The following ITSN1 variants were observed in gnomAD, a reference collection of about 807,000 sequenced individuals.
ITSN1 encodes intersectin-1.
ITSN1 carries 58 observed loss-of-function variants against 239.8 expected under a neutral mutation model. That is an observed-to-expected ratio of 0.24 (90% CI 0.20 to 0.30). The LOEUF (loss-of-function observed/expected upper bound fraction) is 0.30. Ranked by LOEUF, ITSN1 falls within the 10% of genes least tolerant of loss-of-function variation. ITSN1 has a pLI of 1.00. For missense variants in ITSN1, 1,558 were observed against 2,103.3 expected (o/e 0.74, Z 5.07); for synonymous variants, 780 against 770.8 (o/e 1.01, Z -0.20).
chr21:33,848,357 C>T (rs1451500021), intron 29 of ITSN1, among the ~76,000 whole-genome samples: 1 of 152,216 alleles, frequency 6.6e-6, no homozygotes, highest in African/African-American at 2.4e-5. Flanking sequence ...GGAGAGAGGC[C>T]TCAGGAGGAA....
chr21:33,651,282 G>C (rs941662287), intron 1 of ITSN1, among the ~76,000 whole-genome samples: 1 of 152,200 alleles, frequency 6.6e-6, no homozygotes, highest in Non-Finnish European at 1.5e-5. Flanking sequence ...GTTTTAAGCA[G>C]GGGAGTCCCA....
At chr21:33,732,519 T>C (rs1345586068) in intron 4 of ITSN1, among the ~76,000 whole-genome samples, 1 of 152,180 alleles carries the variant, frequency 6.6e-6, no homozygotes, top group African/African-American at 2.4e-5. Context: ...AACTATTAGC[T>C]CTAGTAAATC....
intron 1 of ITSN1, among the ~76,000 whole-genome samples, chr21:33,708,851 T>C (rs769546362): frequency 6.6e-6 from 1 of 152,224 alleles, no homozygotes; most frequent in Non-Finnish European, 1.5e-5. Context: ...TTATGTAAAG[T>C]GTCAGTGTTG....
chr21:33,715,598 G>A (rs996973568), intron 1 of ITSN1, among the ~76,000 whole-genome samples: 16 of 152,202 alleles, frequency 1.1e-4, no homozygotes, highest in African/African-American at 3.9e-4. Flanking sequence ...TATATTGAAT[G>A]AGAAATTGTC....
Position 33,888,314 on chromosome 21 carries a change from G to T in ITSN1, c.*14G>T. The T allele has an allele frequency of 1.2e-6, 2 of 1,606,852 alleles. No individual in the cohort carries two copies. The highest frequency in any genetic ancestry group is 1.7e-6 in the Non-Finnish European group (2 of 1,176,176). On this transcript the variant is annotated 3_prime_UTR_variant, in exon 40 of 40. Coordinates refer to ENST00000381318, the MANE Select transcript of ITSN1 (RefSeq NM_003024.3). ...GATGAGCCGTAGGCAGCGGGCTCAG[G>T]GTGTGCTCAGCAGGGTCCCAGCCCA...
chr21:33,657,056 A>C lies in ITSN1; in HGVS notation c.-33+14343A>C, dbSNP rs554219751. ...TTTTTATTTTAATTTTTAGATTCAG[A>C]GGGTACATGCACAGGTTTGCTATGT... is the stretch of plus-strand genomic sequence containing the variant. On this transcript the variant is annotated intron_variant, in intron 1 of 39. Transcript: ENST00000381318. Among the ~76,000 whole-genome samples the C allele has an allele frequency of 3.9e-5, 6 of 152,148 alleles. No homozygotes were observed. In the East Asian group the frequency reaches 1.2e-3, roughly 29 times the overall value.
intron 5 of ITSN1, chr21:33,735,563 C>T (rs2066447032): frequency 3.8e-6 from 1 of 264,016 alleles, no homozygotes; most frequent in South Asian, 4.4e-5. Context: ...ATGTCTGTTT[C>T]TCCTTGTGCA....
intron 1 of ITSN1, among the ~76,000 whole-genome samples, chr21:33,666,141 G>A (rs1433993833): frequency 6.6e-6 from 1 of 152,140 alleles, no homozygotes; most frequent in Non-Finnish European, 1.5e-5. Context: ...ATGTTGGTCA[G>A]GCTGGTTTTG....
chr21:33,811,586 A>G (rs919855396), intron 21 of ITSN1, among the ~76,000 whole-genome samples: 1 of 152,250 alleles, frequency 6.6e-6, no homozygotes, highest in African/African-American at 2.4e-5. Context: ...GCATGCAAAT[A>G]GCACTTTTTT....
chr21:33,717,451 C>T (rs2065219028), intron 1 of ITSN1, among the ~76,000 whole-genome samples: 1 of 152,094 alleles, frequency 6.6e-6, no homozygotes, highest in African/African-American at 2.4e-5. Flanking sequence ...CCCGACTCAG[C>T]CTCTCAAAGT....
At chr21:33,654,798 G>A (rs1365071940) in intron 1 of ITSN1, among the ~76,000 whole-genome samples, 1 of 152,200 alleles carries the variant, frequency 6.6e-6, no homozygotes, top group Non-Finnish European at 1.5e-5. Flanking sequence ...GGAGAATAAA[G>A]TAACTGTCTA....
chr21:33,658,531 A>G (rs920581881), intron 1 of ITSN1, among the ~76,000 whole-genome samples: 3 of 152,238 alleles, frequency 2.0e-5, no homozygotes, highest in African/African-American at 7.2e-5. Flanking sequence ...ATATCTAAAC[A>G]TAGAAAAGGC....
intron 31 of ITSN1, among the ~76,000 whole-genome samples, chr21:33,861,024 A>G (rs1980422333): frequency 6.6e-6 from 1 of 152,038 alleles, no homozygotes; most frequent in African/African-American, 2.4e-5. Flanking sequence ...GCTTGTTTGG[A>G]CTAACTGGCT....
intron 20 of ITSN1, among the ~76,000 whole-genome samples, chr21:33,808,759 A>G (rs2072668601): frequency 6.6e-6 from 1 of 152,220 alleles, no homozygotes; most frequent in Non-Finnish European, 1.5e-5. Context: ...AATAGATTGT[A>G]GAACTAGCTC....
intron 18 of ITSN1, among the ~76,000 whole-genome samples, chr21:33,798,812 A>G (rs1440290588): frequency 6.6e-6 from 1 of 152,226 alleles, no homozygotes; most frequent in Non-Finnish European, 1.5e-5. Flanking sequence ...TCCAGGGGAA[A>G]GACTGGCAGG....
chr21:33,698,263 T>A (rs936652979), intron 1 of ITSN1, among the ~76,000 whole-genome samples: 1 of 152,180 alleles, frequency 6.6e-6, no homozygotes, highest in African/African-American at 2.4e-5. Flanking sequence ...TGCCAAGTGA[T>A]GTGCTGACAG....
intron 26 of ITSN1, among the ~76,000 whole-genome samples, chr21:33,827,830 T>C (rs1287718287): frequency 6.6e-6 from 1 of 152,144 alleles, no homozygotes; most frequent in East Asian, 1.9e-4. Context: ...CTTAGAAAAT[T>C]ATAGGTTGAA....
At chr21:33,792,836 G>A (rs949556419) in intron 16 of ITSN1, among the ~76,000 whole-genome samples, 8 of 152,042 alleles carry the variant, frequency 5.3e-5, no homozygotes, top group Non-Finnish European at 7.4e-5. Flanking sequence ...GATGTTCCCA[G>A]TGTCATCTGC....
Position 33,797,355 on chromosome 21 carries a change from G to T in ITSN1, c.1953-24G>T. The T allele has an allele frequency of 3.7e-6, 6 of 1,604,370 alleles. No homozygotes were observed. The highest frequency in any genetic ancestry group is 5.1e-6 in the Non-Finnish European group (6 of 1,172,208). On this transcript the variant is annotated intron_variant, in intron 17 of 39. Coordinates refer to ENST00000381318, the MANE Select transcript of ITSN1 (RefSeq NM_003024.3). The surrounding 1 kb of genome is among the most constrained non-coding windows in gnomAD (Gnocchi z 4.9). ...GTTAACTTAGAGTTGCTTTCTTGCT[G>T]TAATCAAGCGTGTTTGTTGGCAGAC... is the stretch of plus-strand genomic sequence containing the variant.
Sources: allele counts gnomAD v4.1 joint callset (sites outside exome capture counted in the v4.1 genomes callset), GRCh38; gene constraint gnomAD v4.1.1; non-coding constraint Gnocchi (gnomAD v3.1); transcripts MANE v1.5; gene names NCBI Gene and HGNC (gene_info 2026-07-23, HGNC 2026-07-21).